The following ABCA13 variants were observed in gnomAD, a reference collection of about 807,000 sequenced individuals.
The protein encoded by ABCA13 is ATP-binding cassette sub-family A member 13.
A neutral mutation model predicts 478.7 loss-of-function variants in ABCA13; 476 were observed. The ratio of observed to expected loss-of-function variants is 0.99; its 90% CI spans 0.92 to 1.07. The LOEUF (loss-of-function observed/expected upper bound fraction) is 1.07. ABCA13 is among the 50% of genes least tolerant of loss of function. ABCA13 has a pLI of 0.00. For synonymous variants in ABCA13, 2,252 were observed against 2,158.9 expected, an observed-to-expected ratio of 1.04 and a Z score of -1.20; for missense variants, 6,060 against 5,910.6, an observed-to-expected ratio of 1.03 and a Z score of -0.83.
intron 43 of ABCA13, among the ~76,000 whole-genome samples, chr7:48,464,609 C>T (rs970006942): frequency 2.6e-5 from 4 of 152,108 alleles, no homozygotes; most frequent in African/African-American, 9.7e-5. Flanking sequence ...CATTTCTTCT[C>T]AATTAAATTT....
Position 48,494,090 on chromosome 7 carries a change from T to G in ABCA13, c.13291+4746T>G, listed in dbSNP as rs79816828. ...CTCTTGACTTTCTTTTCTCCCCATT[T>G]GTATATCTCTTTTGGAATCCCCTGG... On this transcript the variant is annotated intron_variant, in intron 48 of 61. Coordinates refer to ENST00000435803, the MANE Select transcript of ABCA13 (RefSeq NM_152701.5). Among the ~76,000 whole-genome samples the G allele has an allele frequency of 9.8e-3, 1,500 of 152,306 alleles. 29 individuals carry two copies. The highest frequency in any genetic ancestry group is 0.034 in the African/African-American group (1,402 of 41,566).
At position 48,645,682 on chromosome 7, in the gene ABCA13, C is replaced by T. The variant is rs568949755; in HGVS notation, c.*170C>T. 1 of 608,646 alleles carries T rather than the reference C, an allele frequency of 1.6e-6. No homozygotes were observed. Among genetic ancestry groups the T allele is most frequent in the African/African-American group, 1.9e-5 (1 of 51,838 alleles). The allele number at this position is 608,646 out of a possible 1,614,324, so 37.7% of individuals were successfully genotyped here. A position where few individuals can be genotyped will look rare whatever the true frequency, so the allele number is the denominator to read the frequency against. ...AATCTCCTTGTTAGTTAATAACCAC[C>T]AAATGGAAAGGTCATTCTTTCTGCA... On this transcript the variant is annotated 3_prime_UTR_variant, in exon 62 of 62. Transcript: ENST00000435803.
chr7:48,364,122 C>A (rs1811312533), intron 31 of ABCA13, among the ~76,000 whole-genome samples: 2 of 152,224 alleles, frequency 1.3e-5, no homozygotes, highest in East Asian at 3.9e-4. Flanking sequence ...GGACCAGGTG[C>A]CATTAATGAC....
chr7:48,393,805 A>G (rs1347999268), intron 38 of ABCA13, among the ~76,000 whole-genome samples: 1 of 152,148 alleles, frequency 6.6e-6, no homozygotes, highest in Non-Finnish European at 1.5e-5. Flanking sequence ...AGAATGCTCC[A>G]TTCCACCCTT....
chr7:48,428,789 T>C (rs543890788), intron 42 of ABCA13, among the ~76,000 whole-genome samples: 5 of 152,254 alleles, frequency 3.3e-5, no homozygotes, highest in Non-Finnish European at 7.3e-5. Context: ...CCCACAGCTT[T>C]ATTGAGATAT....
chr7:48,213,841 A>G (rs553185390), intron 3 of ABCA13, among the ~76,000 whole-genome samples: 1 of 152,334 alleles, frequency 6.6e-6, no homozygotes, highest in Admixed American at 6.5e-5. Context: ...TTGCTTATCC[A>G]TAAGAAGCAA....
chr7:48,391,571 T>C (rs1415238408), intron 37 of ABCA13, among the ~76,000 whole-genome samples: 3 of 152,224 alleles, frequency 2.0e-5, no homozygotes. Flanking sequence ...TTGGGTACAC[T>C]TAAGGTAGGC....
intron 47 of ABCA13, among the ~76,000 whole-genome samples, chr7:48,485,530 A>G (rs1470659376): frequency 1.3e-5 from 2 of 152,216 alleles, no homozygotes. Context: ...AGATCATCAC[A>G]AAGTATGCAT....
At chr7:48,580,478 T>A in intron 56 of ABCA13, 104 bp downstream of exon 56, 2 of 1,078,466 alleles carry the variant, frequency 1.9e-6, no homozygotes, top group Non-Finnish European at 2.6e-6. Flanking sequence ...GAGAAGGAAC[T>A]GTAGTATCAG....
At chr7:48,467,113 G>C in intron 44 of ABCA13, 68 bp downstream of exon 44, 1 of 1,411,540 alleles carries the variant, frequency 7.1e-7, no homozygotes, top group South Asian at 1.1e-5. Flanking sequence ...TGGGAGGACT[G>C]TTTTTCTTCA....
chr7:48,335,540 G>A lies in ABCA13; in HGVS notation c.10113+5G>A, dbSNP rs943630543. ...CAGATGTTCAACCAGCTGCAGGTGA[G>A]TGGTTGGTCTTTGCCACCGAGGGAT... On this transcript the variant is annotated splice_donor_5th_base_variant and intron_variant, in intron 28 of 61. Coordinates refer to ENST00000435803, the MANE Select transcript of ABCA13 (RefSeq NM_152701.5). The A allele has an allele frequency of 3.1e-6, 5 of 1,612,284 alleles. No homozygotes were observed. The Admixed American group carries it at 5.0e-5, about 16-fold the overall frequency.
chr7:48,503,357 T>C (rs1830924218), intron 48 of ABCA13, among the ~76,000 whole-genome samples: 1 of 152,206 alleles, frequency 6.6e-6, no homozygotes, highest in Non-Finnish European at 1.5e-5. Flanking sequence ...CCCAAAGGGC[T>C]GAGATTACAG....
chr7:48,515,980 CGT>C (rs1832077955), intron 51 of ABCA13, among the ~76,000 whole-genome samples: 1 of 152,018 alleles, frequency 6.6e-6, no homozygotes. Flanking sequence ...ACGTACAACC[CGT>C]GTGTGTGTTG....
At chr7:48,352,137 C>A in intron 30 of ABCA13, 44 bp from the exon 31 acceptor site, 3 of 1,557,606 alleles carry the variant, frequency 1.9e-6, no homozygotes, top group Non-Finnish European at 2.6e-6. Context: ...TTGAGCCACT[C>A]CCTACAGTGT....
chr7:48,479,465 T>C (rs1224719791), intron 45 of ABCA13, among the ~76,000 whole-genome samples: 1 of 152,172 alleles, frequency 6.6e-6, no homozygotes, highest in Non-Finnish European at 1.5e-5. Flanking sequence ...CTCAAACTCC[T>C]GACCTCAAGC....
intron 59 of ABCA13, among the ~76,000 whole-genome samples, chr7:48,627,306 ATAAC>A (rs1793758814): frequency 6.6e-6 from 1 of 152,194 alleles, no homozygotes; most frequent in Non-Finnish European, 1.5e-5. Flanking sequence ...AACCTTATGT[ATAAC>A]TGACTAAAGA....
chr7:48,209,303 A>G (rs1014772805), intron 3 of ABCA13, among the ~76,000 whole-genome samples: 7 of 152,196 alleles, frequency 4.6e-5, no homozygotes, highest in Admixed American at 2.0e-4. Context: ...CATCAGAAAT[A>G]TTGGCCTCTG....
chr7:48,234,270 G>A (rs529353994), intron 8 of ABCA13, 119 bp downstream of exon 8: 4 of 1,418,296 alleles, frequency 2.8e-6, no homozygotes, highest in East Asian at 2.3e-5. Flanking sequence ...AGGAGAGTTC[G>A]GTCAAAACCC....
At position 48,171,478 on chromosome 7, in the gene ABCA13, G is replaced by A. The variant is rs1443235045; in HGVS notation, c.-6G>A. The A allele has an allele frequency of 3.9e-6, 6 of 1,536,022 alleles. No individual in the cohort carries two copies. The highest frequency in any genetic ancestry group is 5.2e-6 in the Non-Finnish European group (6 of 1,146,864). On this transcript the variant is annotated 5_prime_UTR_variant, in exon 1 of 62. Transcript: ENST00000435803. ...GCTTCCTGACTGAGAGCAGGGAGCA[G>A]CAGGCATGGGGCATGCCGGGTGCCA...
Sources: gnomAD v4.1 joint callset for allele counts (sites outside exome capture counted in the v4.1 genomes callset) on GRCh38, gnomAD v4.1.1 for gene constraint, MANE v1.5 for transcripts, NCBI Gene and HGNC (gene_info 2026-07-23, HGNC 2026-07-21) for gene names.